Variants in TAFA5 observed in about 807,000 individuals in gnomAD.
TAFA5 encodes chemokine-like protein TAFA-5.
In TAFA5, 6 loss-of-function variants were observed where a neutral mutation model predicts 15.3. The ratio of observed to expected loss-of-function variants is 0.39; its 90% CI spans 0.21 to 0.77. TAFA5 has a LOEUF of 0.77. TAFA5 is among the 30% of genes least tolerant of loss of function. The probability of loss-of-function intolerance (pLI) is 0.41; values close to 1 mark genes in which losing one functional copy is unlikely to be tolerated. For synonymous variants in TAFA5, 103 were observed against 80.7 expected, an observed-to-expected ratio of 1.28 and a Z score of -1.48; for missense variants, 161 against 193.1, an observed-to-expected ratio of 0.83 and a Z score of 0.98.
chr22:48,544,524 A>G (rs1345417389), intron 1 of TAFA5: 1 of 367,152 alleles, frequency 2.7e-6, no homozygotes, highest in Non-Finnish European at 5.5e-6. Flanking sequence ...CTTTTTTCAA[A>G]TGAGCTGCAG....
In TAFA5 at chr22:48,594,026, T is replaced by C. The variant is rs557857509; in HGVS notation, c.113-52571T>C. ...AATTATGGTTTCCGGGGAGACCCAT[T>C]GTGATAAATGCCAGAAAACAAAAGC... is the stretch of plus-strand genomic sequence containing the variant. On this transcript the variant is annotated intron_variant, in intron 1 of 3. Coordinates refer to ENST00000402357, the MANE Select transcript of TAFA5 (RefSeq NM_001082967.3). 6.6e-5 allele frequency among the ~76,000 whole-genome samples: 10 copies of C among 152,232 alleles called. No individual in the cohort carries two copies. The South Asian group carries it at 1.9e-3, about 28-fold the overall frequency.
chr22:48,661,922 G>A (rs113047612), intron 2 of TAFA5, among the ~76,000 whole-genome samples: 1 of 148,408 alleles, frequency 6.7e-6, no homozygotes, highest in African/African-American at 2.5e-5. Flanking sequence ...GGGCTCATTG[G>A]GGTGCCCACT....
intron 1 of TAFA5, among the ~76,000 whole-genome samples, chr22:48,592,027 G>C (rs1331844831): frequency 6.6e-6 from 1 of 152,184 alleles, no homozygotes; most frequent in Non-Finnish European, 1.5e-5. Context: ...CCCCTCCTTA[G>C]CAGGTCTCTG....
intron 1 of TAFA5, among the ~76,000 whole-genome samples, chr22:48,535,624 C>T (rs569483515): frequency 1.3e-4 from 19 of 150,284 alleles, no homozygotes; most frequent in African/African-American, 1.9e-4. Flanking sequence ...ATGGTCACAC[C>T]GGCACATGTG....
intron 1 of TAFA5, among the ~76,000 whole-genome samples, chr22:48,546,289 C>T (rs921241385): frequency 5.3e-5 from 8 of 152,212 alleles, no homozygotes; most frequent in African/African-American, 1.9e-4. Context: ...CGTGCGCTGA[C>T]GGCATTGTCA....
chr22:48,585,752 C>T (rs1924332389), intron 1 of TAFA5, among the ~76,000 whole-genome samples: 1 of 151,670 alleles, frequency 6.6e-6, no homozygotes, highest in Non-Finnish European at 1.5e-5. Flanking sequence ...ACCACATACG[C>T]ATACCAAATA....
chr22:48,747,162 A>T (rs888566416), intron 3 of TAFA5, among the ~76,000 whole-genome samples: 1 of 152,178 alleles, frequency 6.6e-6, no homozygotes, highest in Admixed American at 6.5e-5. Flanking sequence ...CTAAGAACTA[A>T]GGGGCCCTGG....
intron 2 of TAFA5, among the ~76,000 whole-genome samples, chr22:48,701,610 C>G (rs900724398): frequency 6.6e-6 from 1 of 152,236 alleles, no homozygotes; most frequent in African/African-American, 2.4e-5. Context: ...CAAGGGTCGC[C>G]CAACCGTTTT....
At chr22:48,748,796 T>C (rs1930399756) in intron 3 of TAFA5, among the ~76,000 whole-genome samples, 1 of 152,116 alleles carries the variant, frequency 6.6e-6, no homozygotes, top group Admixed American at 6.5e-5. Context: ...ACCCTCATCA[T>C]CACCGCCCCT....
At chr22:48,699,174 C>G (rs993383606) in intron 2 of TAFA5, among the ~76,000 whole-genome samples, 1 of 152,052 alleles carries the variant, frequency 6.6e-6, no homozygotes, top group African/African-American at 2.4e-5. Flanking sequence ...CTCAGGTGAT[C>G]GACTAGCCTG....
chr22:48,627,804 G>T (rs1000910856), intron 1 of TAFA5, among the ~76,000 whole-genome samples: 2 of 152,246 alleles, frequency 1.3e-5, no homozygotes, highest in Non-Finnish European at 2.9e-5. Context: ...GCCAGGACGA[G>T]GGGGAGGGAG....
At chr22:48,718,180 G>A (rs1215262875) in intron 3 of TAFA5, among the ~76,000 whole-genome samples, 2 of 152,190 alleles carry the variant, frequency 1.3e-5, no homozygotes, top group African/African-American at 2.4e-5. Context: ...GGTGGTATCA[G>A]GGTGCACCCA....
At chr22:48,718,835 A>T (rs1470064841) in intron 3 of TAFA5, among the ~76,000 whole-genome samples, 1 of 151,942 alleles carries the variant, frequency 6.6e-6, no homozygotes, top group African/African-American at 2.4e-5. Flanking sequence ...CCCATCCTGC[A>T]CCAGGCTTGC....
intron 1 of TAFA5, among the ~76,000 whole-genome samples, chr22:48,640,175 A>G (rs765766056): frequency 6.6e-6 from 1 of 151,778 alleles, no homozygotes; most frequent in Admixed American, 6.6e-5. Flanking sequence ...CCACCAGACC[A>G]CTCCTCAGTT....
At chr22:48,498,480 T>G (rs1469925688) in intron 1 of TAFA5, among the ~76,000 whole-genome samples, 2 of 152,080 alleles carry the variant, frequency 1.3e-5, no homozygotes, top group African/African-American at 4.8e-5. Context: ...GTAGGTATAT[T>G]TAGTAGGACT....
In TAFA5 at chr22:48,732,471, T is replaced by C. The variant is rs145659177; in HGVS notation, c.391-17368T>C. ...CGGGGTTTCACCGTGTTAGCCAGGA[T>C]GGTCTCGATCTCCTAACCTCATAAT... On this transcript the variant is annotated intron_variant, in intron 3 of 3. Transcript: ENST00000402357. Among the ~76,000 whole-genome samples the C allele has an allele frequency of 7.3e-3, 1,111 of 152,204 alleles. 18 individuals carry two copies. Among genetic ancestry groups the C allele is most frequent in the African/African-American group, 0.026 (1,071 of 41,528 alleles).
At chr22:48,512,007 T>G (rs1319017447) in intron 1 of TAFA5, among the ~76,000 whole-genome samples, 1 of 152,180 alleles carries the variant, frequency 6.6e-6, no homozygotes, top group Non-Finnish European at 1.5e-5. Context: ...GGCACAGAGC[T>G]GCAGGGAGGG....
intron 1 of TAFA5, chr22:48,539,375 G>A (rs1360113563): frequency 4.2e-6 from 2 of 471,100 alleles, no homozygotes; most frequent in African/African-American, 4.0e-5. Flanking sequence ...GTGCGTGGCC[G>A]GGCGGTGATC....
At chr22:48,628,810 T>C (rs766997619) in intron 1 of TAFA5, among the ~76,000 whole-genome samples, 15 of 152,218 alleles carry the variant, frequency 9.9e-5, no homozygotes, top group East Asian at 3.9e-4. Context: ...TTATGGGAAG[T>C]ATCAGACACA....
Sources: allele counts gnomAD v4.1 joint callset (sites outside exome capture counted in the v4.1 genomes callset), GRCh38; gene constraint gnomAD v4.1.1; transcripts MANE v1.5; gene names NCBI Gene and HGNC (gene_info 2026-07-23, HGNC 2026-07-21).